ITIH1: variants seen among roughly 807,000 people sequenced by gnomAD.
ITIH1 encodes the protein inter-alpha-trypsin inhibitor heavy chain 1.
ITIH1 carries 94 observed loss-of-function variants against 104.6 expected under a neutral mutation model. That is an observed-to-expected ratio of 0.90 (90% confidence interval 0.76 to 1.07). The LOEUF (loss-of-function observed/expected upper bound fraction) is 1.07. ITIH1 is among the 50% of genes least tolerant of loss of function. The probability of loss-of-function intolerance (pLI) is 0.00; values close to 1 mark genes in which losing one functional copy is unlikely to be tolerated. For missense variants in ITIH1, 1,193 were observed against 1,181.4 expected (o/e 1.01, Z -0.14); for synonymous variants, 455 against 464.4 (o/e 0.98, Z 0.26).
chr3:52,785,720 G>A (rs1370570152), intron 12 of ITIH1, among the ~76,000 whole-genome samples: 1 of 152,244 alleles, frequency 6.6e-6, no homozygotes, highest in Admixed American at 6.5e-5. Flanking sequence ...CTTTGAGTAA[G>A]GAGAGTTGAG....
At chr3:52,781,865 T>G in intron 6 of ITIH1, 75 bp from the exon 7 acceptor site, 1 of 1,573,944 alleles carries the variant, frequency 6.4e-7, no homozygotes, top group Non-Finnish European at 8.7e-7. Context: ...ACGCATGCCT[T>G]CTTATGTTGT....
rs1386188498 is a variant in ITIH1 at position 52,784,541 on chromosome 3, G to A, written c.1407+64G>A. Reference sequence around the variant, plus strand: ...CATAGGGAGCCCTGCCTTGGTGGCCGTTTGCCCATCAGCCTAGAGGAGCAG... The same window carrying A: ...CATAGGGAGCCCTGCCTTGGTGGCCATTTGCCCATCAGCCTAGAGGAGCAG... On this transcript the variant is annotated intron_variant, in intron 11 of 21. Coordinates refer to ENST00000273283, the MANE Select transcript of ITIH1 (RefSeq NM_002215.4). 123 of 1,516,812 alleles carry A rather than the reference G, an allele frequency of 8.1e-5. 1 individual carries two copies. In the South Asian group the frequency reaches 1.1e-3, roughly 14 times the overall value. 94.0% of individuals were successfully genotyped at this position (1,516,812 alleles called of 1,614,324 possible). A position where few individuals can be genotyped will look rare whatever the true frequency, so the allele number is the denominator to read the frequency against.
intron 6 of ITIH1, among the ~76,000 whole-genome samples, chr3:52,781,218 T>C (rs1313366458): frequency 9.9e-4 from 36 of 36,290 alleles, no homozygotes; most frequent in African/African-American, 2.8e-3. Context: ...TTTCTTCTTC[T>C]TCTTCTTCTT....
Position 52,779,568 on chromosome 3 carries a change from C to A in ITIH1, c.547C>A (p.Pro183Thr), listed in dbSNP as rs759900843. 6.2e-7 allele frequency: 1 copy of A among 1,614,058 alleles called. No individual in the cohort carries two copies. The highest frequency in any genetic ancestry group is 8.5e-7 in the Non-Finnish European group (1 of 1,180,050). Reference sequence around the variant, plus strand: ...GTATGAAATTGTCATCAAAGTCAAGCCCAAGCAGCTGGTGCATCATTTTGA... The same window carrying A: ...GTATGAAATTGTCATCAAAGTCAAGACCAAGCAGCTGGTGCATCATTTTGA... ...MQYEIVIKVK[P>T]KQLVHHFEID... The change falls in exon 5 of 22, where the codon CCC (proline) becomes ACC (threonine). Residue 183 changes from proline (P) to threonine (T), a missense_variant. Pro to Thr is a conservative substitution (Grantham distance 38, BLOSUM62 -1). Transcript: ENST00000273283. This position sits in a 1 kb window ranked among gnomAD's most constrained non-coding sequence, Gnocchi z 4.4.
At position 52,787,034 on chromosome 3, in the gene ITIH1, C is replaced by A. The variant is rs766022292; in HGVS notation, c.1823C>A (p.Ser608Tyr). The A allele has an allele frequency of 1.2e-6, 2 of 1,614,032 alleles. No individual in the cohort carries two copies. The highest frequency in any genetic ancestry group is 1.3e-5 in the African/African-American group (1 of 74,908). Residue 608 changes from serine to tyrosine, a missense_variant, in exon 14 of 22, where the codon TCC becomes TAC. Physicochemically the swap from Ser to Tyr is moderately radical, Grantham distance 144. Coordinates refer to ENST00000273283, the MANE Select transcript of ITIH1 (RefSeq NM_002215.4). ...LDYGFVTPLT[S>Y]MSIRGMADQD... ...TATGGGTTTGTGACCCCACTGACCT[C>A]CATGAGCATCAGGGGCATGGCGGAC...
Position 52,779,366 on chromosome 3 carries a change from G to C in ITIH1, c.411-66G>C. ...AATAAATTCTGTGGGCCACATGTTA[G>C]GTGACAAGGACCCAAATGTCATTTA... is the stretch of plus-strand genomic sequence containing the variant. On this transcript the variant is annotated intron_variant, in intron 4 of 21. Transcript: ENST00000273283. This position sits in a 1 kb window ranked among gnomAD's most constrained non-coding sequence, Gnocchi z 4.4. 2.0e-6 allele frequency: 3 copies of C among 1,514,080 alleles called. No homozygotes were observed. 93.8% of individuals were successfully genotyped at this position (1,514,080 alleles called of 1,614,324 possible).
At chr3:52,782,720 G>GCCCCT (rs1372410919) in intron 8 of ITIH1, among the ~76,000 whole-genome samples, 1 of 152,058 alleles carries the variant, frequency 6.6e-6, no homozygotes, top group Non-Finnish European at 1.5e-5. Flanking sequence ...TCTTAATCCT[G>GCCCCT]CCCCTCCCGA....
intron 6 of ITIH1, among the ~76,000 whole-genome samples, chr3:52,781,208 T>TTTCTTCTTCTTCTTC (rs56188215): frequency 3.8e-4 from 19 of 49,978 alleles, no homozygotes; most frequent in South Asian, 7.2e-4. Context: ...TTTTTTTTTT[T>TTTCTTCTTCTTCTTC]TTCTTCTTCT....
Position 52,777,977 on chromosome 3 carries a change from A to C in ITIH1, c.118-20A>C. 1.2e-6 allele frequency: 2 copies of C among 1,613,996 alleles called. No individual in the cohort carries two copies. Among genetic ancestry groups the C allele is most frequent in the South Asian group, 1.1e-5 (1 of 91,066 alleles). ...CCCCTGAGTTTTCCTCTCACACTTG[A>C]CCCTGATTTTGTTTTGCAGAAGCGA... is the stretch of plus-strand genomic sequence containing the variant. On this transcript the variant is annotated intron_variant, in intron 1 of 21. Coordinates refer to ENST00000273283, the MANE Select transcript of ITIH1 (RefSeq NM_002215.4).
At chr3:52,788,382 G>A (rs1220440708) in intron 18 of ITIH1, 37 bp downstream of exon 18, 1 of 1,306,686 alleles carries the variant, frequency 7.7e-7, no homozygotes, top group Non-Finnish European at 1.1e-6. Flanking sequence ...GACAGGGCCA[G>A]GGCTCCTCTG....
chr3:52,789,991 C>T, intron 19 of ITIH1, 137 bp downstream of exon 19: 1 of 788,002 alleles, frequency 1.3e-6, no homozygotes, highest in Non-Finnish European at 2.0e-6. Flanking sequence ...ATGTCAGACT[C>T]CATGGCCCAC....
rs1254172843 is a variant in ITIH1, at chr3:52,781,759, T to TCTCCCACCACCTACAGGTGTGTG, written c.688-177_688-155dup. ...CATATAAGCAAGGGAATGGGTCATC[T>TCTCCCACCACCTACAGGTGTGTG]CTCCCACCACCTACAGGTGTGTGCT... On this transcript the variant is annotated intron_variant, in intron 6 of 21. Coordinates refer to ENST00000273283, the MANE Select transcript of ITIH1 (RefSeq NM_002215.4). 2.0e-5 allele frequency among the ~76,000 whole-genome samples: 3 copies of TCTCCCACCACCTACAGGTGTGTG among 152,154 alleles called. No homozygotes were observed. The South Asian group carries it at 6.2e-4, about 32-fold the overall frequency.
chr3:52,785,287 C>T, intron 12 of ITIH1, 58 bp downstream of exon 12: 2 of 1,532,036 alleles, frequency 1.3e-6, no homozygotes, highest in Non-Finnish European at 1.8e-6. Flanking sequence ...GGCTCCAAAC[C>T]CACACTGTTC....
rs770394303 is a variant in ITIH1 at position 52,779,018 on chromosome 3, A to G, written c.382A>G (p.Ile128Val). ...ATGGAAGCAGTACCGGAAAGCAGCT[A>G]TCTCAGGAGAGAATGCCGGCCTTGT... ...TAWKQYRKAAISGENAGLVRA... is the reference protein window; with the variant it reads ...TAWKQYRKAAVSGENAGLVRA... Residue 128 changes from isoleucine (I) to valine (V), a missense_variant, in exon 4 of 22, where the codon ATC (isoleucine) becomes GTC (valine). By Grantham distance (29) the Ile-to-Val change is conservative. Transcript: ENST00000273283. The surrounding 1 kb of genome is among the most constrained non-coding windows in gnomAD (Gnocchi z 4.4). 12 of 1,613,870 alleles carry G rather than the reference A, an allele frequency of 7.4e-6. 1 individual carries two copies. In the South Asian group the frequency reaches 1.3e-4, roughly 18 times the overall value.
rs368547088 is a variant in ITIH1 at position 52,785,172 on chromosome 3, C to T, written c.1536C>T (p.Ala512=). ...QYYEGSEIVV[A]GRIADNKQSS... is the part of the protein sequence containing the mutation. The stretch of plus-strand genomic sequence containing the variant: ...ACGAAGGCTCAGAGATTGTGGTGGC[C>T]GGGCGCATTGCTGACAACAAACAGA... The change falls in exon 12 of 22, where the codon GCC becomes GCT. Residue 512 remains alanine (A), a synonymous_variant. Coordinates refer to ENST00000273283, the MANE Select transcript of ITIH1 (RefSeq NM_002215.4). The T allele has an allele frequency of 4.2e-5, 68 of 1,614,100 alleles. 2 individuals are homozygous for T. Among genetic ancestry groups the T allele is most frequent in the South Asian group, 3.5e-4 (32 of 91,078 alleles).
At position 52,790,922 on chromosome 3, in the gene ITIH1, G is replaced by A; in HGVS notation, c.2494+1G>A. The A allele has an allele frequency of 3.1e-6, 5 of 1,596,418 alleles. No individual in the cohort carries two copies. The highest frequency in any genetic ancestry group is 3.4e-6 in the Non-Finnish European group (4 of 1,173,558). On this transcript the variant is annotated splice_donor_variant, in intron 20 of 21. Coordinates refer to ENST00000273283, the MANE Select transcript of ITIH1 (RefSeq NM_002215.4). LOFTEE classifies it high-confidence loss of function. The stretch of plus-strand genomic sequence containing the variant: ...TCAGCCCGGACGCACGGGCTGCTGG[G>A]TACGGCTGGCCAGGCTGGCAGGGCT...
rs1699104748 is a variant in ITIH1, at chr3:52,783,099, T to G, written c.1073T>G (p.Phe358Cys). ...SEANLQAAQD[F>C]VRGFSLDEAT... ...GCCAACCTACAAGCAGCTCAAGACT[T>G]TGTGCGGGGCTTTTCCCTGGATGAG... Residue 358 changes from phenylalanine (F) to cysteine (C), a missense_variant, in exon 9 of 22, where the codon TTT becomes TGT. Phe to Cys is a radical substitution (Grantham distance 205). Coordinates refer to ENST00000273283, the MANE Select transcript of ITIH1 (RefSeq NM_002215.4). 11 of 1,613,834 alleles carry G rather than the reference T, an allele frequency of 6.8e-6. No homozygotes were observed. In the Admixed American group the frequency reaches 1.2e-4, roughly 17 times the overall value.
At chr3:52,777,838 TCCA>T in intron 1 of ITIH1, 106 bp downstream of exon 1, 1 of 1,339,412 alleles carries the variant, frequency 7.5e-7, no homozygotes, top group Non-Finnish European at 1.1e-6. Context: ...CCCCACCACC[TCCA>T]CCACTTCTGA....
In ITIH1 at chr3:52,782,035, T is replaced by C. The variant is rs1699072162; in HGVS notation, c.783T>C (p.Asp261=). The change falls in exon 7 of 22, where the codon GAT becomes GAC. Residue 261 remains aspartate (D), a synonymous_variant. Coordinates refer to ENST00000273283, the MANE Select transcript of ITIH1 (RefSeq NM_002215.4). ...ACGGGCACTTCAAGGTGACCTACGA[T>C]GTCAGTCGAGACAAGATCTGCGACC... ...LLNGHFKVTY[D]VSRDKICDLL... is the part of the protein sequence containing the mutation. 1.2e-6 allele frequency: 2 copies of C among 1,614,132 alleles called. No homozygotes were observed. The highest frequency in any genetic ancestry group is 1.7e-5 in the Admixed American group (1 of 60,018).
Sources: allele counts gnomAD v4.1 joint callset (sites outside exome capture counted in the v4.1 genomes callset), GRCh38; gene constraint gnomAD v4.1.1; non-coding constraint Gnocchi (gnomAD v3.1); transcripts MANE v1.5; gene names NCBI Gene and HGNC (gene_info 2026-07-23, HGNC 2026-07-21).